TMC1: variants seen among roughly 807,000 people sequenced by gnomAD.
The protein encoded by TMC1 is transmembrane channel like 1, also known as transmembrane channel-like protein 1.
In TMC1, 84 loss-of-function variants were observed where a neutral mutation model predicts 105.8. The ratio of observed to expected loss-of-function variants is 0.79; its 90% CI spans 0.67 to 0.95. The LOEUF (loss-of-function observed/expected upper bound fraction) is 0.95. TMC1 is among the 40% of genes least tolerant of loss of function. The pLI is 0.00. For synonymous variants in TMC1, 315 were observed against 311.5 expected (o/e 1.01, Z -0.12); for missense variants, 817 against 914.1 (o/e 0.89, Z 1.37).
intron 2 of TMC1, among the ~76,000 whole-genome samples, chr9:72,592,750 T>C (rs6560297): frequency 0.56 from 85,803 of 152,098 alleles, 25,429 homozygotes; most frequent in African/African-American, 0.76. Context: ...CTTACACTTA[T>C]GGAACCGTCA....
intron 13 of TMC1, 56 bp from the exon 14 acceptor site, chr9:72,788,283 C>G: frequency 6.2e-7 from 1 of 1,600,978 alleles, no homozygotes; most frequent in Non-Finnish European, 8.6e-7. Context: ...TGTTTTGTTG[C>G]TATTTCCCCT....
intron 1 of TMC1, among the ~76,000 whole-genome samples, chr9:72,535,140 A>G (rs1049034761): frequency 1.3e-5 from 2 of 152,118 alleles, no homozygotes; most frequent in Non-Finnish European, 2.9e-5. Flanking sequence ...GGATGAAGGC[A>G]TGTTTTCAGG....
At position 72,701,770 on chromosome 9, in the gene TMC1, T is replaced by C. The variant is rs1375792294; in HGVS notation, c.362+1127T>C. On this transcript the variant is annotated intron_variant, in intron 8 of 23. Coordinates refer to ENST00000297784, the MANE Select transcript of TMC1 (RefSeq NM_138691.3). ...AAAATAAAGAAAGATATTCTATATCTTCTCTGTGCGCTTGAAGCGTAGCCA... is the reference window on the plus strand; with the variant it reads ...AAAATAAAGAAAGATATTCTATATCCTCTCTGTGCGCTTGAAGCGTAGCCA... 2.0e-5 allele frequency among the ~76,000 whole-genome samples: 3 copies of C among 152,190 alleles called. No homozygotes were observed. In the East Asian group the frequency reaches 5.8e-4, roughly 29 times the overall value.
At chr9:72,781,640 A>T (rs2118155983) in intron 13 of TMC1, among the ~76,000 whole-genome samples, 1 of 152,288 alleles carries the variant, frequency 6.6e-6, no homozygotes, top group Non-Finnish European at 1.5e-5. Flanking sequence ...ATTACCAACA[A>T]CTCAAAAGAA....
intron 1 of TMC1, among the ~76,000 whole-genome samples, chr9:72,573,810 G>T (rs1422026722): frequency 6.6e-6 from 1 of 152,006 alleles, no homozygotes; most frequent in Non-Finnish European, 1.5e-5. Flanking sequence ...TTTATTTTAG[G>T]TTAGGGGGTA....
intron 8 of TMC1, among the ~76,000 whole-genome samples, chr9:72,714,784 A>T (rs866670469): frequency 6.6e-6 from 1 of 152,110 alleles, no homozygotes; most frequent in Non-Finnish European, 1.5e-5. Context: ...TAATATTGTT[A>T]TGTGTGATTT....
intron 4 of TMC1, among the ~76,000 whole-genome samples, chr9:72,646,142 C>T (rs1044707290): frequency 4.6e-5 from 7 of 152,106 alleles, no homozygotes; most frequent in African/African-American, 1.7e-4. Context: ...ATTGTTGTGA[C>T]TATTGCATAA....
intron 8 of TMC1, among the ~76,000 whole-genome samples, chr9:72,703,346 C>T (rs1355565742): frequency 6.6e-6 from 1 of 152,018 alleles, no homozygotes; most frequent in African/African-American, 2.4e-5. Context: ...AGGCTGATCT[C>T]GAACTCCTGG....
chr9:72,592,413 A>G (rs7029452), intron 2 of TMC1, among the ~76,000 whole-genome samples: 63,905 of 151,952 alleles, frequency 0.42, 14,550 homozygotes, highest in African/African-American at 0.6. Context: ...TACTCTTATC[A>G]TTGGTGTCAA....
intron 1 of TMC1, among the ~76,000 whole-genome samples, chr9:72,560,308 A>G (rs1824023346): frequency 6.6e-6 from 1 of 152,222 alleles, no homozygotes; most frequent in Non-Finnish European, 1.5e-5. Context: ...CAATGTCTGG[A>G]TGTACCACGA....
Position 72,751,791 on chromosome 9 carries a change from C to G in TMC1, c.536-59C>G, listed in dbSNP as rs529821299. 5.5e-4 allele frequency: 616 copies of G among 1,127,350 alleles called. 10 individuals are homozygous for G. The South Asian group carries it at 7.4e-3, about 13-fold the overall frequency. 69.8% of individuals were successfully genotyped at this position (1,127,350 alleles called of 1,614,324 possible). A position where few individuals can be genotyped will look rare whatever the true frequency, so the allele number is the denominator to read the frequency against. On this transcript the variant is annotated intron_variant, in intron 10 of 23. Transcript: ENST00000297784. ...TTTTGAAGGCAACCAAGACAAAGCTCTTTTTGTTTGTTTGTTTGCTTTGAT... is the reference window on the plus strand; with the variant it reads ...TTTTGAAGGCAACCAAGACAAAGCTGTTTTTGTTTGTTTGTTTGCTTTGAT...
intron 4 of TMC1, among the ~76,000 whole-genome samples, chr9:72,647,779 T>A (rs1825738646): frequency 7.2e-6 from 1 of 139,280 alleles, no homozygotes; most frequent in Non-Finnish European, 1.6e-5. Flanking sequence ...AGGATCCATT[T>A]CAAAACATTG....
chr9:72,692,082 A>G (rs771341597), intron 6 of TMC1, among the ~76,000 whole-genome samples: 1 of 152,146 alleles, frequency 6.6e-6, no homozygotes, highest in Non-Finnish European at 1.5e-5. Flanking sequence ...GGTGTTTATC[A>G]TCTGGTTATT....
At chr9:72,607,002 T>TATATATATATAG (rs372785242) in intron 2 of TMC1, among the ~76,000 whole-genome samples, 1 of 134,906 alleles carries the variant, frequency 7.4e-6, no homozygotes, top group African/African-American at 2.8e-5. Flanking sequence ...TATATATATA[T>TATATATATATAG]AGAGAGAGAG....
chr9:72,728,468 A>T (rs1262481749), intron 8 of TMC1, among the ~76,000 whole-genome samples: 1 of 152,180 alleles, frequency 6.6e-6, no homozygotes, highest in African/African-American at 2.4e-5. Context: ...GGGGGAGAGC[A>T]GAGAGCTTTT....
intron 1 of TMC1, among the ~76,000 whole-genome samples, chr9:72,523,396 C>T (rs1036992852): frequency 1.3e-5 from 2 of 152,168 alleles, no homozygotes; most frequent in African/African-American, 4.8e-5. Flanking sequence ...ACTTTCCTAA[C>T]AGCCTACTGT....
chr9:72,756,036 C>A (rs1827671445), intron 12 of TMC1, among the ~76,000 whole-genome samples: 1 of 152,144 alleles, frequency 6.6e-6, no homozygotes. Context: ...CCAGAACATG[C>A]AAACCTTAAG....
Position 72,792,033 on chromosome 9 carries a change from A to T in TMC1, c.1372A>T (p.Ile458Phe), listed in dbSNP as rs1159862966. 6.2e-7 allele frequency: 1 copy of T among 1,614,010 alleles called. No homozygotes were observed. Among genetic ancestry groups the T allele is most frequent in the Non-Finnish European group, 8.5e-7 (1 of 1,180,004 alleles). Residue 458 changes from isoleucine to phenylalanine, a missense_variant, in exon 16 of 24, where the codon ATT (isoleucine) becomes TTT (phenylalanine). Transcript: ENST00000297784. ...ALLLGNLYVF[I>F]LALMDEINNK... Reference sequence around the variant, plus strand: ...TCTTTTAGGCAATTTATACGTATTTATTCTTGCATTAATGGATGAGATTAA... The same window carrying T: ...TCTTTTAGGCAATTTATACGTATTTTTTCTTGCATTAATGGATGAGATTAA...
intron 6 of TMC1, among the ~76,000 whole-genome samples, chr9:72,689,882 T>C (rs919552743): frequency 6.6e-6 from 1 of 152,086 alleles, no homozygotes; most frequent in Non-Finnish European, 1.5e-5. Context: ...TTTCTTTTCT[T>C]TGGTTTCTTT....
Sources: gnomAD v4.1 joint callset for allele counts (sites outside exome capture counted in the v4.1 genomes callset) on GRCh38, gnomAD v4.1.1 for gene constraint, MANE v1.5 for transcripts, NCBI Gene and HGNC (gene_info 2026-07-23, HGNC 2026-07-21) for gene names.